The following RBBP8 variants were observed in gnomAD, a reference collection of about 807,000 sequenced individuals.
The protein encoded by RBBP8 is DNA endonuclease RBBP8.
In RBBP8, 88 loss-of-function variants were observed where a neutral mutation model predicts 108.3. That is an observed-to-expected ratio of 0.81 (90% CI 0.68 to 0.97). RBBP8 has a LOEUF of 0.97. RBBP8 is among the 50% of genes least tolerant of loss of function. The pLI, the probability that RBBP8 is intolerant of heterozygous loss-of-function variation, is 0.00. For synonymous variants in RBBP8, 332 were observed against 348.2 expected (o/e 0.95, Z 0.52); for missense variants, 1,023 against 1,049.0 (o/e 0.98, Z 0.34).
At chr18:22,986,551 G>A (rs2144674345) in intron 8 of RBBP8, among the ~76,000 whole-genome samples, 1 of 152,206 alleles carries the variant, frequency 6.6e-6, no homozygotes, top group Middle Eastern at 3.4e-3. Context: ...ATGGGTCAAG[G>A]GAGGATTTTT....
intron 3 of RBBP8, among the ~76,000 whole-genome samples, chr18:22,948,274 T>G (rs1567953158): frequency 6.6e-6 from 1 of 152,106 alleles, no homozygotes; most frequent in Non-Finnish European, 1.5e-5. Context: ...CCTCCAGGCT[T>G]AGACAAGTTA....
At chr18:22,989,800 A>G (rs952871797) in intron 9 of RBBP8, among the ~76,000 whole-genome samples, 7 of 152,012 alleles carry the variant, frequency 4.6e-5, no homozygotes, top group Non-Finnish European at 1.0e-4. Flanking sequence ...AGCCTCCCAA[A>G]TAGCTGGGAC....
At chr18:22,980,963 G>GTTTTT (rs1567975146) in intron 6 of RBBP8, among the ~76,000 whole-genome samples, 11 of 26,480 alleles carry the variant, frequency 4.2e-4, no homozygotes, top group South Asian at 1.8e-3. Context: ...AGCCACTTAT[G>GTTTTT]TCTTTTTTTT....
At position 22,984,954 on chromosome 18, in the gene RBBP8, G is replaced by C; in HGVS notation, c.673G>C (p.Ala225Pro). The C allele has an allele frequency of 6.2e-7, 1 of 1,611,834 alleles. No homozygotes were observed. Among genetic ancestry groups the C allele is most frequent in the Non-Finnish European group, 8.5e-7 (1 of 1,178,524 alleles). Residue 225 changes from alanine (A) to proline (P), a missense_variant, in exon 8 of 19, where the codon GCT (alanine) becomes CCT (proline). Transcript: ENST00000327155. Reference protein sequence around the residue: ...HNPNENEILVADTYDQSQSPM... With the variant: ...HNPNENEILVPDTYDQSQSPM... ...TCCTAATGAAAATGAAATTCTAGTA[G>C]CTGACACTTATGACCAAAGTCAATC...
Position 22,989,297 on chromosome 18 carries a change from A to C in RBBP8, c.786A>C (p.Gly262=), listed in dbSNP as rs1437218820. Residue 262 remains glycine (G), a synonymous_variant, in exon 9 of 19, where the codon GGA becomes GGC. Coordinates refer to ENST00000327155, the MANE Select transcript of RBBP8 (RefSeq NM_002894.3). ...NLATVVAETL[G]LGVQEESETQ... ...CTACAGTTGTTGCTGAAACACTTGGACTTGGTGTTCAAGAAGAATCTGTAA... is the reference window on the plus strand; with the variant it reads ...CTACAGTTGTTGCTGAAACACTTGGCCTTGGTGTTCAAGAAGAATCTGTAA... The C allele has an allele frequency of 5.6e-6, 9 of 1,607,264 alleles. No individual in the cohort carries two copies. The highest frequency in any genetic ancestry group is 7.7e-6 in the Non-Finnish European group (9 of 1,174,238).
intron 16 of RBBP8, among the ~76,000 whole-genome samples, chr18:23,015,280 A>T (rs2046236967): frequency 6.6e-6 from 1 of 152,208 alleles, no homozygotes; most frequent in Non-Finnish European, 1.5e-5. Flanking sequence ...TAGTCCTGAA[A>T]TCTGGGTTCT....
chr18:23,026,020 C>T (rs2046445209), intron 18 of RBBP8, 123 bp from the exon 19 acceptor site: 1 of 797,432 alleles, frequency 1.3e-6, no homozygotes, highest in East Asian at 2.8e-5. Context: ...CATCACACAG[C>T]TAATAATCAG....
In RBBP8 at chr18:23,006,253, G is replaced by A. The variant is rs529864759; in HGVS notation, c.2288-110G>A. 2.3e-5 allele frequency: 22 copies of A among 936,724 alleles called. No homozygotes were observed. In the African/African-American group the frequency reaches 3.1e-4, roughly 13 times the overall value. 58.0% of individuals were successfully genotyped at this position (936,724 alleles called of 1,614,324 possible). On this transcript the variant is annotated intron_variant, in intron 15 of 18. Coordinates refer to ENST00000327155, the MANE Select transcript of RBBP8 (RefSeq NM_002894.3). ...TGAGTTGCTCAGAGGCCTGGAGCATGAAACCCAATAAAAATGGAAGTTTGA... is the reference window on the plus strand; with the variant it reads ...TGAGTTGCTCAGAGGCCTGGAGCATAAAACCCAATAAAAATGGAAGTTTGA...
chr18:22,928,072 G>T (rs1909858845), intron 3 of RBBP8, among the ~76,000 whole-genome samples: 1 of 151,762 alleles, frequency 6.6e-6, no homozygotes, highest in South Asian at 2.1e-4. Context: ...AGCTAGGCAG[G>T]TGCCTGTAAT....
chr18:22,944,152 C>T (rs1911345449), intron 2 of RBBP8, among the ~76,000 whole-genome samples: 1 of 152,116 alleles, frequency 6.6e-6, no homozygotes, highest in Admixed American at 6.5e-5. Flanking sequence ...TTGTAGATTC[C>T]TAATTGACTT....
rs369500650 is a variant in RBBP8, at chr18:22,968,829, G to A, written c.272G>A (p.Arg91His). 6.2e-6 allele frequency: 10 copies of A among 1,613,180 alleles called. No individual in the cohort carries two copies. The highest frequency in any genetic ancestry group is 1.7e-5 in the Admixed American group (1 of 60,006). The change falls in exon 5 of 19, where the codon CGC becomes CAC. Residue 91 changes from arginine (R) to histidine (H), a missense_variant. Coordinates refer to ENST00000327155, the MANE Select transcript of RBBP8 (RefSeq NM_002894.3). ...AGGTTAAGAGCAGGCTTATGTGATC[G>A]CTGTGCAGTAACTGAAGAACATATG... Reference protein sequence around the residue: ...EDRLRAGLCDRCAVTEEHMRK... With the variant: ...EDRLRAGLCDHCAVTEEHMRK...
chr18:22,920,968 T>G (rs1050346618), intron 3 of RBBP8: 1 of 152,240 alleles, frequency 6.6e-6, no homozygotes, highest in Non-Finnish European at 1.5e-5. Context: ...CAACCAATCT[T>G]GGGTCATTAA....
chr18:23,004,269 G>A (rs181944644), intron 15 of RBBP8, among the ~76,000 whole-genome samples: 2,097 of 149,758 alleles, frequency 0.014, 60 homozygotes, highest in African/African-American at 0.05. Flanking sequence ...AGCTAGATAG[G>A]TGTATATATA....
rs114518521 is a variant in RBBP8 at position 22,969,392 on chromosome 18, G to A, written c.361+474G>A. On this transcript the variant is annotated intron_variant, in intron 5 of 18. Coordinates refer to ENST00000327155, the MANE Select transcript of RBBP8 (RefSeq NM_002894.3). ...GTAGAGTTTTTCTACATTCTTAGCC[G>A]CCTTCTTTTATTCTTTTAATACTTC... Among the ~76,000 whole-genome samples, 1,280 of 151,716 alleles carry A rather than the reference G, an allele frequency of 8.4e-3. 21 individuals are homozygous for A. Among genetic ancestry groups the A allele is most frequent in the African/African-American group, 0.03 (1,230 of 41,390 alleles).
At chr18:22,919,497 G>A (rs958436208) in intron 3 of RBBP8, among the ~76,000 whole-genome samples, 1 of 152,126 alleles carries the variant, frequency 6.6e-6, no homozygotes, top group South Asian at 2.1e-4. Context: ...GTATGTAGAT[G>A]GTGTGCAGAA....
intron 3 of RBBP8, among the ~76,000 whole-genome samples, chr18:22,921,420 T>A (rs1909588989): frequency 6.6e-6 from 1 of 152,222 alleles, no homozygotes; most frequent in African/African-American, 2.4e-5. Context: ...TCAAGTTGCA[T>A]ACTTGTTTCT....
At chr18:23,019,434 A>T (rs1168093111) in intron 17 of RBBP8, among the ~76,000 whole-genome samples, 1 of 152,158 alleles carries the variant, frequency 6.6e-6, no homozygotes, top group Non-Finnish European at 1.5e-5. Flanking sequence ...CATGTACTTA[A>T]ATACTAACCA....
intron 15 of RBBP8, among the ~76,000 whole-genome samples, chr18:23,003,132 C>T (rs2045975590): frequency 6.6e-6 from 1 of 152,174 alleles, no homozygotes; most frequent in Admixed American, 6.5e-5. Flanking sequence ...TTCTTCCTCA[C>T]AACTTTTCTC....
At chr18:22,980,704 T>C (rs192581394) in intron 6 of RBBP8, among the ~76,000 whole-genome samples, 20 of 151,038 alleles carry the variant, frequency 1.3e-4, no homozygotes, top group Non-Finnish European at 1.9e-4. Context: ...ATGACTTAAG[T>C]CTTTTTGGGG....
Sources: gnomAD v4.1 joint callset for allele counts (sites outside exome capture counted in the v4.1 genomes callset) on GRCh38, gnomAD v4.1.1 for gene constraint, MANE v1.5 for transcripts, NCBI Gene and HGNC (gene_info 2026-07-23, HGNC 2026-07-21) for gene names.